The following PLCB4 variants were observed in gnomAD, a reference collection of about 807,000 sequenced individuals.
PLCB4 encodes the protein 1-phosphatidylinositol 4,5-bisphosphate phosphodiesterase beta-4.
A neutral mutation model predicts 178.8 loss-of-function variants in PLCB4; 77 were observed. The ratio of observed to expected loss-of-function variants is 0.43; its 90% CI spans 0.36 to 0.52. The LOEUF (loss-of-function observed/expected upper bound fraction) is 0.52. Among genes scored for constraint, PLCB4 ranks in the 20% least tolerant of loss-of-function variants. The pLI is 0.00. For missense variants in PLCB4, 1,024 were observed against 1,453.4 expected, an observed-to-expected ratio of 0.70 and a Z score of 4.80; for synonymous variants, 496 against 490.8, an observed-to-expected ratio of 1.01 and a Z score of -0.14.
rs2035488096 is a variant in PLCB4 at position 9,363,089 on chromosome 20, A to G, written c.449+114A>G. ...CAAATTCCTGCTTGCCTTTCCCTCC[A>G]TGCTCCTGACCTTGGAGTTGACCAA... On this transcript the variant is annotated intron_variant, in intron 8 of 39. Transcript: ENST00000378473. 2.3e-5 allele frequency: 17 copies of G among 750,638 alleles called. 1 individual carries two copies. The South Asian group carries it at 2.4e-4, about 11-fold the overall frequency. The allele number at this position is 750,638 out of a possible 1,614,324, so 46.5% of individuals were successfully genotyped here.
chr20:9,373,817 A>G (rs2036448015), intron 12 of PLCB4, among the ~76,000 whole-genome samples: 1 of 152,222 alleles, frequency 6.6e-6, no homozygotes, highest in Non-Finnish European at 1.5e-5. Flanking sequence ...ATTACAACTA[A>G]AATGAACTAC....
chr20:9,263,219 G>T (rs2094315555), intron 3 of PLCB4, among the ~76,000 whole-genome samples: 1 of 152,156 alleles, frequency 6.6e-6, no homozygotes, highest in African/African-American at 2.4e-5. Flanking sequence ...ACAAATATGG[G>T]TGCCATGGAT....
intron 2 of PLCB4, among the ~76,000 whole-genome samples, chr20:9,142,917 T>A (rs1009959462): frequency 6.6e-6 from 1 of 152,218 alleles, no homozygotes; most frequent in Non-Finnish European, 1.5e-5. Context: ...TCTTAATCTC[T>A]GACTTCATCT....
At chr20:9,187,055 A>G (rs1244306071) in intron 2 of PLCB4, among the ~76,000 whole-genome samples, 1 of 152,018 alleles carries the variant, frequency 6.6e-6, no homozygotes, top group Non-Finnish European at 1.5e-5. Flanking sequence ...GCTTACTGCA[A>G]ACTTCACCTT....
chr20:9,284,288 G>A (rs1314600001), intron 3 of PLCB4, among the ~76,000 whole-genome samples: 1 of 151,926 alleles, frequency 6.6e-6, no homozygotes, highest in Non-Finnish European at 1.5e-5. Context: ...GGGAAGAATG[G>A]TCTAAACTGA....
intron 2 of PLCB4, among the ~76,000 whole-genome samples, chr20:9,128,135 G>A (rs2146795132): frequency 6.6e-6 from 1 of 152,220 alleles, no homozygotes; most frequent in East Asian, 1.9e-4. Context: ...TATCCTCTTG[G>A]ATGAGGGGTT....
rs1186075151 is a variant in PLCB4, at chr20:9,210,165, C to T, written c.-78-7225C>T. Reference sequence around the variant, plus strand: ...TAGGTTAGCAATTGCAAAGCCATTACCATTATTTAGAGAAAAATAACACCC... The same window carrying T: ...TAGGTTAGCAATTGCAAAGCCATTATCATTATTTAGAGAAAAATAACACCC... On this transcript the variant is annotated intron_variant, in intron 2 of 39. Transcript: ENST00000378473. Among the ~76,000 whole-genome samples the T allele has an allele frequency of 5.3e-5, 8 of 152,124 alleles. No individual in the cohort carries two copies. The East Asian group carries it at 1.4e-3, about 26-fold the overall frequency.
At chr20:9,439,379 A>G (rs2041972966) in intron 30 of PLCB4, among the ~76,000 whole-genome samples, 1 of 152,186 alleles carries the variant, frequency 6.6e-6, no homozygotes, top group African/African-American at 2.4e-5. Flanking sequence ...AGCCTCTGCT[A>G]GTCTCCCATT....
chr20:9,478,750 C>T lies in PLCB4; in HGVS notation c.3533-171C>T, dbSNP rs527873322. ...ATCTGGGGTAGACTCCAAGATTCTA[C>T]GTTTCTAAGAAGGTCCCAGGCAATG... On this transcript the variant is annotated intron_variant, in intron 39 of 39. Transcript: ENST00000378473. Among the ~76,000 whole-genome samples the T allele has an allele frequency of 5.3e-5, 8 of 152,194 alleles. No individual in the cohort carries two copies. The South Asian group carries it at 1.0e-3, about 20-fold the overall frequency.
intron 36 of PLCB4, among the ~76,000 whole-genome samples, chr20:9,469,155 A>G (rs1487103295): frequency 6.6e-6 from 1 of 151,878 alleles, no homozygotes; most frequent in Non-Finnish European, 1.5e-5. Context: ...TAATTTTTGT[A>G]TTTTTAGGAG....
At chr20:9,330,185 C>T (rs568981729) in intron 4 of PLCB4, among the ~76,000 whole-genome samples, 2 of 152,294 alleles carry the variant, frequency 1.3e-5, no homozygotes, top group South Asian at 2.1e-4. Flanking sequence ...TGGTTAATTC[C>T]AAACCAGACT....
At chr20:9,224,429 T>C (rs1394145508) in intron 3 of PLCB4, among the ~76,000 whole-genome samples, 1 of 152,208 alleles carries the variant, frequency 6.6e-6, no homozygotes, top group African/African-American at 2.4e-5. Flanking sequence ...TCCTTCTTTA[T>C]TGTTAGAGGC....
intron 1 of PLCB4, among the ~76,000 whole-genome samples, chr20:9,089,472 A>G (rs2090581004): frequency 6.6e-6 from 1 of 152,126 alleles, no homozygotes; most frequent in Non-Finnish European, 1.5e-5. Flanking sequence ...CCAGAATGAG[A>G]AACACCAGAT....
At chr20:9,417,129 G>GAAAAA (rs1434099424) in intron 25 of PLCB4, among the ~76,000 whole-genome samples, 2 of 151,810 alleles carry the variant, frequency 1.3e-5, no homozygotes, top group Non-Finnish European at 2.9e-5. Flanking sequence ...TTTACTTTTG[G>GAAAAA]AAAAAAGTAC....
At chr20:9,205,489 A>C in intron 2 of PLCB4, among the ~76,000 whole-genome samples, 1 of 152,238 alleles carries the variant, frequency 6.6e-6, no homozygotes, top group East Asian at 1.9e-4. Flanking sequence ...ACAGAGTCAT[A>C]TGCAGTTGTA....
At chr20:9,182,651 C>T (rs2093266384) in intron 2 of PLCB4, among the ~76,000 whole-genome samples, 1 of 152,180 alleles carries the variant, frequency 6.6e-6, no homozygotes, top group African/African-American at 2.4e-5. Flanking sequence ...GGCCTGTTGT[C>T]TCTAGGAAAT....
chr20:9,345,514 AG>A (rs1362760168), intron 7 of PLCB4, among the ~76,000 whole-genome samples: 1 of 152,208 alleles, frequency 6.6e-6, no homozygotes, highest in East Asian at 1.9e-4. Flanking sequence ...CTGAAATCAC[AG>A]TCACTAGACG....
intron 2 of PLCB4, among the ~76,000 whole-genome samples, chr20:9,200,748 A>G (rs2093533387): frequency 6.6e-6 from 1 of 151,852 alleles, no homozygotes; most frequent in African/African-American, 2.4e-5. Flanking sequence ...TCTTCCTCTC[A>G]GTCTTCTTGA....
At chr20:9,439,072 G>A (rs1742313435) in intron 30 of PLCB4, among the ~76,000 whole-genome samples, 1 of 152,244 alleles carries the variant, frequency 6.6e-6, no homozygotes, top group African/African-American at 2.4e-5. Context: ...AAGAATTCTT[G>A]ACAGACGGTG....
Sources: gnomAD v4.1 joint callset for allele counts (sites outside exome capture counted in the v4.1 genomes callset) on GRCh38, gnomAD v4.1.1 for gene constraint, MANE v1.5 for transcripts, NCBI Gene and HGNC (gene_info 2026-07-23, HGNC 2026-07-21) for gene names.